CFAP73: variants seen among roughly 807,000 people sequenced by gnomAD.
CFAP73 encodes cilia and flagella associated protein 73.
Under a neutral mutation model 42.9 loss-of-function variants are expected in CFAP73, and 33 were observed. That is an observed-to-expected ratio of 0.77 (90% CI 0.58 to 1.03). The LOEUF (loss-of-function observed/expected upper bound fraction) is 1.03, where lower values mean the gene tolerates loss of function less well. Ranked by LOEUF, CFAP73 falls within the 50% of genes least tolerant of loss-of-function variation. The pLI, the probability that CFAP73 is intolerant of heterozygous loss-of-function variation, is 0.00. For missense variants in CFAP73, 392 were observed against 411.9 expected (o/e 0.95, Z 0.42); for synonymous variants, 162 against 186.8 (o/e 0.87, Z 1.08).
intron 3 of CFAP73, 116 bp downstream of exon 3, chr12:113,153,003 G>A (rs1443961716): frequency 9.2e-6 from 8 of 870,642 alleles, no homozygotes; most frequent in Admixed American, 2.7e-5. Context: ...AAAAGGAAAC[G>A]GCGGGAAACA....
Position 113,157,531 on chromosome 12 carries a change from C to T in CFAP73, c.850-71C>T, listed in dbSNP as rs191674171. The T allele has an allele frequency of 2.1e-3, 2,726 of 1,319,548 alleles. 4 individuals are homozygous for T. Among genetic ancestry groups the T allele is most frequent in the Non-Finnish European group, 2.4e-3 (2,282 of 938,236 alleles). 81.7% of individuals were successfully genotyped at this position (1,319,548 alleles called of 1,614,324 possible). ...CCCCGCCCTACCTTTCGGCCTCCCC[C>T]GCGTGTTGAGGGGTGGGGGCTGGAC... On this transcript the variant is annotated intron_variant, in intron 6 of 7. Transcript: ENST00000335621.
At position 113,158,859 on chromosome 12, in the gene CFAP73, G is replaced by C; in HGVS notation, c.*170G>C. 6.4e-7 allele frequency: 1 copy of C among 1,574,664 alleles called. No individual in the cohort carries two copies. The highest frequency in any genetic ancestry group is 8.7e-7 in the Non-Finnish European group (1 of 1,154,622). Reference sequence around the variant, plus strand: ...ACCCTAAGGCCAATCAAGGAGCCACGGGGCTGGGTCCTGGTCCTCACATCC... The same window carrying C: ...ACCCTAAGGCCAATCAAGGAGCCACCGGGCTGGGTCCTGGTCCTCACATCC... On this transcript the variant is annotated 3_prime_UTR_variant, in exon 8 of 8. Coordinates refer to ENST00000335621, the MANE Select transcript of CFAP73 (RefSeq NM_001144872.3). The surrounding 1 kb of genome is among the most constrained non-coding windows in gnomAD (Gnocchi z 4.9).
Position 113,154,725 on chromosome 12 carries a change from G to A in CFAP73, c.690+90G>A, listed in dbSNP as rs556701233. ...CGCCAGGGCTGATGAGGACCGATGG[G>A]GCAATGCTTACCCCAGAGGGTCCGC... On this transcript the variant is annotated intron_variant, in intron 5 of 7. Coordinates refer to ENST00000335621, the MANE Select transcript of CFAP73 (RefSeq NM_001144872.3). The surrounding 1 kb of genome is among the most constrained non-coding windows in gnomAD (Gnocchi z 4.7). The A allele has an allele frequency of 6.3e-5, 86 of 1,362,350 alleles. No homozygotes were observed. The African/African-American group carries it at 1.2e-3, about 19-fold the overall frequency. The allele number at this position is 1,362,350 out of a possible 1,614,324, so 84.4% of individuals were successfully genotyped here.
intron 5 of CFAP73, 150 bp from the exon 6 acceptor site, chr12:113,155,110 C>A (rs1325838674): frequency 4.6e-5 from 28 of 609,014 alleles, no homozygotes; most frequent in Middle Eastern, 9.3e-4. Context: ...CCGGCGGTTG[C>A]AGTGAGCTGA....
In CFAP73 at chr12:113,155,407, CAGCT is replaced by C. The variant is rs1392099087; in HGVS notation, c.841_844del (p.Leu281SerfsTer3). 6.5e-7 allele frequency: 1 copy of C among 1,549,402 alleles called. No homozygotes were observed. Among genetic ancestry groups the C allele is most frequent in the Non-Finnish European group, 8.7e-7 (1 of 1,145,344 alleles). On this transcript the variant is annotated frameshift_variant, in exon 6 of 8. Transcript: ENST00000335621. LOFTEE classifies it high-confidence loss of function. Reference sequence around the variant, plus strand: ...CCTGGACATCGAGGACACGGAGGGACAGCTAGAGCACGTGAGGACCCCTCTTTAT... The same window carrying C: ...CCTGGACATCGAGGACACGGAGGGACAGAGCACGTGAGGACCCCTCTTTAT...
Position 113,158,034 on chromosome 12 carries a change from C to T in CFAP73, c.*11+344C>T. ...AGGGTCCATGCTAGATGAGAGATCA[C>T]CAAGGCCCCCTCCACTATGGACTCT... On this transcript the variant is annotated intron_variant, in intron 7 of 7. Coordinates refer to ENST00000335621, the MANE Select transcript of CFAP73 (RefSeq NM_001144872.3). The surrounding 1 kb of genome is among the most constrained non-coding windows in gnomAD (Gnocchi z 4.9). 4.0e-6 allele frequency: 1 copy of T among 251,800 alleles called. No homozygotes were observed. 15.6% of individuals were successfully genotyped at this position (251,800 alleles called of 1,614,324 possible).
chr12:113,151,245 G>A (rs1177189468), intron 1 of CFAP73, among the ~76,000 whole-genome samples: 1 of 152,180 alleles, frequency 6.6e-6, no homozygotes, highest in Non-Finnish European at 1.5e-5. Flanking sequence ...ACTTTGGGAT[G>A]CCAAGGTGGG....
Position 113,154,584 on chromosome 12 carries a change from G to T in CFAP73, c.639G>T (p.Arg213=). The T allele has an allele frequency of 7.0e-7, 1 of 1,428,492 alleles. No homozygotes were observed. The highest frequency in any genetic ancestry group is 2.8e-5 in the East Asian group (1 of 35,692). 88.5% of individuals were successfully genotyped at this position (1,428,492 alleles called of 1,614,324 possible). A position where few individuals can be genotyped will look rare whatever the true frequency, so the allele number is the denominator to read the frequency against. Residue 213 remains arginine (R), a synonymous_variant, in exon 5 of 8, where the codon CGG becomes CGT. Coordinates refer to ENST00000335621, the MANE Select transcript of CFAP73 (RefSeq NM_001144872.3). The surrounding 1 kb of genome is among the most constrained non-coding windows in gnomAD (Gnocchi z 4.7). ...AGGTGCTCGCACAGGGCCAGCGGCG[G>T]GCACAGCTGCAGGAGCGCCTGGAGG... ...PDEVLAQGQR[R]AQLQERLEAA... is the part of the protein sequence containing the mutation.
chr12:113,151,707 G>A (rs1471556550), intron 1 of CFAP73, among the ~76,000 whole-genome samples: 1 of 151,654 alleles, frequency 6.6e-6, no homozygotes, highest in Admixed American at 6.6e-5. Context: ...CAAGATGGGA[G>A]GATCGCTTAA....
chr12:113,155,380 A>G lies in CFAP73; in HGVS notation c.811A>G (p.Thr271Ala), dbSNP rs765376695. The change falls in exon 6 of 8, where the codon ACC becomes GCC. Residue 271 changes from threonine (T) to alanine (A), a missense_variant. By Grantham distance (58) the Thr-to-Ala change is moderately conservative. Coordinates refer to ENST00000335621, the MANE Select transcript of CFAP73 (RefSeq NM_001144872.3). Reference protein sequence around the residue: ...LVCQHQGQPPTLDIEDTEGQL... With the variant: ...LVCQHQGQPPALDIEDTEGQL... Reference sequence around the variant, plus strand: ...GTGCCAGCATCAGGGGCAGCCTCCCACCCTGGACATCGAGGACACGGAGGG... The same window carrying G: ...GTGCCAGCATCAGGGGCAGCCTCCCGCCCTGGACATCGAGGACACGGAGGG... 6 of 1,551,232 alleles carry G rather than the reference A, an allele frequency of 3.9e-6. No individual in the cohort carries two copies. The South Asian group carries it at 7.1e-5, about 18-fold the overall frequency.
At chr12:113,157,784 G>A (rs996089439) in intron 7 of CFAP73, 94 bp downstream of exon 7, 64 of 947,542 alleles carry the variant, frequency 6.8e-5, no homozygotes, top group African/African-American at 5.8e-4. Context: ...TCCTGAATCC[G>A]TTTCCTCATT....
At chr12:113,152,138 CTCA>C in intron 2 of CFAP73, 115 bp downstream of exon 2, 1 of 709,670 alleles carries the variant, frequency 1.4e-6, no homozygotes, top group Non-Finnish European at 2.4e-6. Flanking sequence ...CCTTGATTTC[CTCA>C]TCGTCAAATG....
chr12:113,158,912 G>C lies in CFAP73; in HGVS notation c.*223G>C. ...TTCCGCATCTTGCCCTTCTTGGAGC[G>C]GGCACCCCGGCCGAAGGCGCCCTGC... On this transcript the variant is annotated 3_prime_UTR_variant, in exon 8 of 8. Transcript: ENST00000335621. This position sits in a 1 kb window ranked among gnomAD's most constrained non-coding sequence, Gnocchi z 4.9. The C allele has an allele frequency of 6.2e-7, 1 of 1,607,960 alleles. No individual in the cohort carries two copies. Among genetic ancestry groups the C allele is most frequent in the Non-Finnish European group, 8.5e-7 (1 of 1,175,776 alleles).
Position 113,159,061 on chromosome 12 carries a change from G to A in CFAP73, c.*372G>A, listed in dbSNP as rs1048889. 97,239 of 1,608,710 alleles carry A rather than the reference G, an allele frequency of 0.06. 3,469 individuals carry two copies. The highest frequency in any genetic ancestry group is 0.067 in the Non-Finnish European group (78,566 of 1,178,090). ...GATCTGCTGCTTGGTCTTGAGTTCC[G>A]GGCGGACTCGGCCTGCAGGGGTGCC... On this transcript the variant is annotated 3_prime_UTR_variant, in exon 8 of 8. Coordinates refer to ENST00000335621, the MANE Select transcript of CFAP73 (RefSeq NM_001144872.3).
chr12:113,153,914 C>A (rs1353606653), intron 4 of CFAP73, among the ~76,000 whole-genome samples: 1 of 151,960 alleles, frequency 6.6e-6, no homozygotes, highest in East Asian at 1.9e-4. Flanking sequence ...CTTGAATCCT[C>A]CCCAAAGTCC....
Position 113,149,990 on chromosome 12 carries a change from C to T in CFAP73, c.56+77C>T, listed in dbSNP as rs568996065. 148 of 1,406,712 alleles carry T rather than the reference C, an allele frequency of 1.1e-4. 4 individuals are homozygous for T. The South Asian group carries it at 1.8e-3, about 17-fold the overall frequency. The allele number at this position is 1,406,712 out of a possible 1,614,324, so 87.1% of individuals were successfully genotyped here. On this transcript the variant is annotated intron_variant, in intron 1 of 7. Coordinates refer to ENST00000335621, the MANE Select transcript of CFAP73 (RefSeq NM_001144872.3). ...GGCTGGCCCATCCTTTCTTCCTCAC[C>T]TCCTGGGTCCTGGCTTTGGGCAGAT... is the stretch of plus-strand genomic sequence containing the variant.
At chr12:113,153,152 A>T in intron 3 of CFAP73, 56 bp from the exon 4 acceptor site, 1 of 1,419,718 alleles carries the variant, frequency 7.0e-7, no homozygotes, top group Non-Finnish European at 9.2e-7. Context: ...GAGGTGCCGA[A>T]CTCCCCGCCA....
rs773675017 is a variant in CFAP73, at chr12:113,155,287, A to C, written c.718A>C (p.Thr240Pro). Residue 240 changes from threonine (T) to proline (P), a missense_variant, in exon 6 of 8, where the codon ACA (threonine) becomes CCA (proline). Thr to Pro is a conservative substitution (Grantham distance 38). Transcript: ENST00000335621. Reference protein sequence around the residue: ...WESKWIQIQNTAAEKTLLLGR... With the variant: ...WESKWIQIQNPAAEKTLLLGR... ...ATCCAAGTGGATTCAGATTCAGAACACAGCAGCGGAGAAGACTCTGCTCCT... is the reference window on the plus strand; with the variant it reads ...ATCCAAGTGGATTCAGATTCAGAACCCAGCAGCGGAGAAGACTCTGCTCCT... 7.8e-6 allele frequency: 12 copies of C among 1,546,188 alleles called. No individual in the cohort carries two copies. The highest frequency in any genetic ancestry group is 1.1e-5 in the Non-Finnish European group (12 of 1,142,730).
Position 113,154,762 on chromosome 12 carries a change from G to A in CFAP73, c.690+127G>A. 7.5e-7 allele frequency: 1 copy of A among 1,333,844 alleles called. No individual in the cohort carries two copies. Among genetic ancestry groups the A allele is most frequent in the Non-Finnish European group, 9.5e-7 (1 of 1,048,600 alleles). The allele number at this position is 1,333,844 out of a possible 1,614,324, so 82.6% of individuals were successfully genotyped here. ...CCCAGAGGGTCCGCTGCACTAAGGA[G>A]GGGAATCTCAGGCATCACCGAGCCG... On this transcript the variant is annotated intron_variant, in intron 5 of 7. Transcript: ENST00000335621. The surrounding 1 kb of genome is among the most constrained non-coding windows in gnomAD (Gnocchi z 4.7).
Sources: allele counts gnomAD v4.1 joint callset (sites outside exome capture counted in the v4.1 genomes callset), GRCh38; gene constraint gnomAD v4.1.1; non-coding constraint Gnocchi (gnomAD v3.1); transcripts MANE v1.5; gene names NCBI Gene and HGNC (gene_info 2026-07-23, HGNC 2026-07-21).